Variants in PRKAA2 observed in about 807,000 individuals in gnomAD.
PRKAA2 encodes 5'-AMP-activated protein kinase catalytic subunit alpha-2.
A neutral mutation model predicts 56.3 loss-of-function variants in PRKAA2; 40 were observed. The observed-to-expected ratio is 0.71, with a 90% CI of 0.55 to 0.92. PRKAA2 has a LOEUF of 0.92. PRKAA2 is among the 40% of genes least tolerant of loss of function. The pLI, the probability that PRKAA2 is intolerant of heterozygous loss-of-function variation, is 0.00. For synonymous variants in PRKAA2, 214 were observed against 234.2 expected, an observed-to-expected ratio of 0.91 and a Z score of 0.79; for missense variants, 542 against 686.9, an observed-to-expected ratio of 0.79 and a Z score of 2.36.
At chr1:56,674,839 A>G (rs1046452204) in intron 2 of PRKAA2, among the ~76,000 whole-genome samples, 1 of 152,046 alleles carries the variant, frequency 6.6e-6, no homozygotes, top group Non-Finnish European at 1.5e-5. Context: ...ATTCTTATCC[A>G]ACTTTAAATG....
chr1:56,645,557 G>T, intron 1 of PRKAA2, 76 bp downstream of exon 1: 1 of 1,324,776 alleles, frequency 7.5e-7, no homozygotes, highest in East Asian at 3.9e-5. Flanking sequence ...GGGAGCCCCG[G>T]GCCTCCGGCG....
Position 56,710,625 on chromosome 1 carries a change from C to T in PRKAA2, c.*2912C>T, listed in dbSNP as rs1644363641. On this transcript the variant is annotated 3_prime_UTR_variant, in exon 9 of 9. Coordinates refer to ENST00000371244, the MANE Select transcript of PRKAA2 (RefSeq NM_006252.4). ...GAAAATTAGAATTACTTTGTTTTAA[C>T]TTGCAGACATGTTCATCGTGAGTGA... The T allele has an allele frequency of 6.6e-6, 1 of 152,114 alleles. No homozygotes were observed. The highest frequency in any genetic ancestry group is 2.4e-5 in the African/African-American group (1 of 41,428). The allele number at this position is 152,114 out of a possible 1,614,324, so 9.4% of individuals were successfully genotyped here. A position where few individuals can be genotyped will look rare whatever the true frequency, so the allele number is the denominator to read the frequency against.
At chr1:56,668,411 T>A (rs1336195259) in intron 1 of PRKAA2, among the ~76,000 whole-genome samples, 8 of 142,284 alleles carry the variant, frequency 5.6e-5, no homozygotes, top group Admixed American at 1.4e-4. Flanking sequence ...ACTTAAAGTA[T>A]AAAAAAAAAA....
Position 56,696,129 on chromosome 1 carries a change from C to G in PRKAA2, c.758C>G (p.Pro253Arg). 6.2e-7 allele frequency: 1 copy of G among 1,613,326 alleles called. No individual in the cohort carries two copies. Among genetic ancestry groups the G allele is most frequent in the Non-Finnish European group, 8.5e-7 (1 of 1,179,714 alleles). The change falls in exon 6 of 9, where the codon CCA (proline) becomes CGA (arginine). Residue 253 changes from proline (P) to arginine (R), a missense_variant. Transcript: ENST00000371244. Reference protein sequence around the residue: ...TLLMHMLQVDPLKRATIKDIR... With the variant: ...TLLMHMLQVDRLKRATIKDIR... ...CTGATGCATATGCTGCAGGTTGACC[C>G]ACTGAAACGAGCAACTATCAAAGAC...
At chr1:56,656,339 AC>A in intron 1 of PRKAA2, among the ~76,000 whole-genome samples, 1 of 152,156 alleles carries the variant, frequency 6.6e-6, no homozygotes, top group Non-Finnish European at 1.5e-5. Context: ...TAAAATGGTA[AC>A]CCCAGGTTTA....
At chr1:56,679,045 T>C (rs1478553067) in intron 2 of PRKAA2, among the ~76,000 whole-genome samples, 1 of 152,200 alleles carries the variant, frequency 6.6e-6, no homozygotes, top group African/African-American at 2.4e-5. Flanking sequence ...TTTAACATCA[T>C]TAACCGCCAG....
chr1:56,706,215 G>T lies in PRKAA2; in HGVS notation c.1417G>T (p.Asp473Tyr). The change falls in exon 8 of 9, where the codon GAT (aspartate) becomes TAT (tyrosine). Residue 473 changes from aspartate (D) to tyrosine (Y), a missense_variant. Transcript: ENST00000371244. ...RSYLLDFKSI[D>Y]DEVVEQRSGS... ...CTATCTTTTGGACTTTAAAAGCATTGATGGTAAGGAAGCTATGCATGCATG... is the reference window on the plus strand; with the variant it reads ...CTATCTTTTGGACTTTAAAAGCATTTATGGTAAGGAAGCTATGCATGCATG... 6.2e-7 allele frequency: 1 copy of T among 1,612,946 alleles called. No homozygotes were observed. The highest frequency in any genetic ancestry group is 1.1e-5 in the South Asian group (1 of 90,708).
At position 56,706,210 on chromosome 1, in the gene PRKAA2, G is replaced by C; in HGVS notation, c.1412G>C (p.Ser471Thr). ...DNRSYLLDFK[S>T]IDDEVVEQRS... ...AGGAGCTATCTTTTGGACTTTAAAA[G>C]CATTGATGGTAAGGAAGCTATGCAT... Residue 471 changes from serine to threonine, a missense_variant, in exon 8 of 9, where the codon AGC (serine) becomes ACC (threonine). Physicochemically the swap from Ser to Thr is moderately conservative, Grantham distance 58 (BLOSUM62 1). This residue lies in a region of PRKAA2 where 158 missense variants were observed against 166.1 expected (regional missense o/e 0.95). Coordinates refer to ENST00000371244, the MANE Select transcript of PRKAA2 (RefSeq NM_006252.4). The C allele has an allele frequency of 6.2e-7, 1 of 1,613,066 alleles. No individual in the cohort carries two copies. Among genetic ancestry groups the C allele is most frequent in the Non-Finnish European group, 8.5e-7 (1 of 1,179,786 alleles).
intron 2 of PRKAA2, among the ~76,000 whole-genome samples, chr1:56,681,232 G>C (rs1047003887): frequency 3.3e-5 from 5 of 152,124 alleles, no homozygotes; most frequent in Admixed American, 6.5e-5. Context: ...CATTTGTTAA[G>C]TTCTTTGTAG....
At chr1:56,666,406 A>C (rs1644036512) in intron 1 of PRKAA2, among the ~76,000 whole-genome samples, 1 of 152,118 alleles carries the variant, frequency 6.6e-6, no homozygotes, top group Admixed American at 6.5e-5. Flanking sequence ...ACTTAATCAG[A>C]CTGTTGAGTT....
In PRKAA2 at chr1:56,704,597, A is replaced by G. The variant is rs1208565951; in HGVS notation, c.1293+122A>G. Reference sequence around the variant, plus strand: ...TTCTAGTAATATGCTATGCACATTAAAAACAAAACAAATAACCTCTATAAG... The same window carrying G: ...TTCTAGTAATATGCTATGCACATTAGAAACAAAACAAATAACCTCTATAAG... On this transcript the variant is annotated intron_variant, in intron 7 of 8. Transcript: ENST00000371244. 10 of 1,105,332 alleles carry G rather than the reference A, an allele frequency of 9.0e-6. No individual in the cohort carries two copies. In the East Asian group the frequency reaches 1.5e-4, roughly 16 times the overall value. The allele number at this position is 1,105,332 out of a possible 1,614,324, so 68.5% of individuals were successfully genotyped here.
At position 56,674,372 on chromosome 1, in the gene PRKAA2, T is replaced by C; in HGVS notation, c.95-9T>C. 2.6e-6 allele frequency: 4 copies of C among 1,529,486 alleles called. No individual in the cohort carries two copies. The highest frequency in any genetic ancestry group is 3.5e-4 in the Middle Eastern group (2 of 5,718). 94.7% of individuals were successfully genotyped at this position (1,529,486 alleles called of 1,614,324 possible). A position where few individuals can be genotyped will look rare whatever the true frequency, so the allele number is the denominator to read the frequency against. Reference sequence around the variant, plus strand: ...ATAGCACATTTTTTTTCCTTTTTCTTTTCTTTAGTTGGAGAACATCAATTA... The same window carrying C: ...ATAGCACATTTTTTTTCCTTTTTCTCTTCTTTAGTTGGAGAACATCAATTA... On this transcript the variant is annotated splice_polypyrimidine_tract_variant and intron_variant, in intron 1 of 8. Transcript: ENST00000371244.
At chr1:56,706,452 G>A (rs900603999) in intron 8 of PRKAA2, among the ~76,000 whole-genome samples, 2 of 152,194 alleles carry the variant, frequency 1.3e-5, no homozygotes, top group Non-Finnish European at 2.9e-5. Context: ...CATTTGAAGT[G>A]TTGGCCGTGG....
chr1:56,664,932 C>T (rs187986700), intron 1 of PRKAA2, among the ~76,000 whole-genome samples: 14 of 151,416 alleles, frequency 9.2e-5, no homozygotes, highest in Admixed American at 7.9e-4. Flanking sequence ...GTATGAGGCA[C>T]GCATTACCAT....
intron 2 of PRKAA2, among the ~76,000 whole-genome samples, chr1:56,685,719 G>T (rs1220905146): frequency 1.3e-5 from 2 of 152,142 alleles, no homozygotes; most frequent in East Asian, 3.9e-4. Context: ...ATAAAGGATG[G>T]AACAACAAAA....
chr1:56,706,868 C>T (rs966378242), intron 8 of PRKAA2, among the ~76,000 whole-genome samples: 46 of 152,222 alleles, frequency 3.0e-4, no homozygotes, highest in Admixed American at 2.4e-3. Context: ...TTGTTTTAAA[C>T]GAAGCATTTA....
chr1:56,659,005 G>C (rs1244428472), intron 1 of PRKAA2, among the ~76,000 whole-genome samples: 2 of 143,174 alleles, frequency 1.4e-5, no homozygotes, highest in East Asian at 4.1e-4. Flanking sequence ...GTCTTCCTAT[G>C]TTGCCAGGGC....
intron 1 of PRKAA2, among the ~76,000 whole-genome samples, chr1:56,653,241 G>C (rs1318899989): frequency 1.3e-5 from 2 of 149,582 alleles, no homozygotes; most frequent in Non-Finnish European, 3.0e-5. Flanking sequence ...TGCTATTTAG[G>C]TTTCTCTTGC....
intron 1 of PRKAA2, among the ~76,000 whole-genome samples, chr1:56,662,035 A>G (rs1643998071): frequency 6.6e-6 from 1 of 152,140 alleles, no homozygotes; most frequent in Admixed American, 6.5e-5. Context: ...TTCTTCAGGG[A>G]TAATTATCAT....
Sources: allele counts gnomAD v4.1 joint callset (sites outside exome capture counted in the v4.1 genomes callset), GRCh38; gene constraint gnomAD v4.1.1; regional missense constraint gnomAD v4.1.1; transcripts MANE v1.5; gene names NCBI Gene and HGNC (gene_info 2026-07-23, HGNC 2026-07-21).